MACROD2: variants seen among roughly 807,000 people sequenced by gnomAD.
The protein encoded by MACROD2 is mono-ADP ribosylhydrolase 2.
Under a neutral mutation model 70.4 loss-of-function variants are expected in MACROD2, and 36 were observed. That is an observed-to-expected ratio of 0.51 (90% CI 0.39 to 0.68). The LOEUF (loss-of-function observed/expected upper bound fraction) is 0.68, where lower values mean the gene tolerates loss of function less well. Among genes scored for constraint, MACROD2 ranks in the 30% least tolerant of loss-of-function variants. MACROD2 has a pLI of 0.00. For missense variants in MACROD2, 496 were observed against 538.4 expected (o/e 0.92, Z 0.78); for synonymous variants, 172 against 178.8 (o/e 0.96, Z 0.30).
chr20:14,158,982 ATCCCAGCACTTTG>A (rs1220364006), intron 3 of MACROD2, among the ~76,000 whole-genome samples: 1 of 152,180 alleles, frequency 6.6e-6, no homozygotes, highest in Non-Finnish European at 1.5e-5. Context: ...CACGCCTGTA[ATCCCAGCACTTTG>A]GGAAGCTGAG....
chr20:14,002,115 A>G (rs2052739960), intron 1 of MACROD2, among the ~76,000 whole-genome samples, 173 bp from the exon 2 acceptor site: 1 of 152,194 alleles, frequency 6.6e-6, no homozygotes, highest in Admixed American at 6.5e-5. Context: ...CCCTGGTAAT[A>G]TGAAATTTAA....
intron 3 of MACROD2, among the ~76,000 whole-genome samples, chr20:14,365,011 T>C (rs1045985657): frequency 6.6e-6 from 1 of 152,242 alleles, no homozygotes; most frequent in African/African-American, 2.4e-5. Context: ...TTTCTTCCGC[T>C]GCTGTTTCTT....
intron 5 of MACROD2, among the ~76,000 whole-genome samples, chr20:14,976,941 T>G (rs1430786874): frequency 1.3e-5 from 2 of 150,176 alleles, no homozygotes; most frequent in Non-Finnish European, 2.9e-5. Context: ...TATATAAACA[T>G]TTTCTTCAAA....
At chr20:15,113,060 C>A (rs192182290) in intron 5 of MACROD2, among the ~76,000 whole-genome samples, 1 of 151,848 alleles carries the variant, frequency 6.6e-6, no homozygotes, top group East Asian at 1.9e-4. Flanking sequence ...CTGGCTATTG[C>A]CAGTGTTTCT....
At chr20:15,598,679 G>A (rs568688975) in intron 8 of MACROD2, among the ~76,000 whole-genome samples, 1 of 152,318 alleles carries the variant, frequency 6.6e-6, no homozygotes, top group African/African-American at 2.4e-5. Flanking sequence ...CTCAAAGTGG[G>A]TGCCCTTCCT....
At chr20:15,449,161 C>G (rs2046607355) in intron 7 of MACROD2, among the ~76,000 whole-genome samples, 1 of 152,120 alleles carries the variant, frequency 6.6e-6, no homozygotes, top group Non-Finnish European at 1.5e-5. Context: ...TAATATGGCA[C>G]CTGTTCCATG....
At chr20:14,807,768 A>G (rs2072657284) in intron 5 of MACROD2, among the ~76,000 whole-genome samples, 1 of 152,128 alleles carries the variant, frequency 6.6e-6, no homozygotes, top group African/African-American at 2.4e-5. Context: ...GGAGATGAAA[A>G]ACACAGCACA....
intron 3 of MACROD2, among the ~76,000 whole-genome samples, chr20:14,414,585 C>T (rs1396304264): frequency 2.0e-5 from 3 of 152,114 alleles, no homozygotes; most frequent in Admixed American, 2.0e-4. Context: ...AAGTAAAACA[C>T]CTAATAGGTT....
At chr20:15,658,683 T>TA (rs1292685481) in intron 8 of MACROD2, among the ~76,000 whole-genome samples, 1 of 152,212 alleles carries the variant, frequency 6.6e-6, no homozygotes, top group Non-Finnish European at 1.5e-5. Flanking sequence ...CGGGCTTATT[T>TA]ACATGATCTG....
intron 6 of MACROD2, among the ~76,000 whole-genome samples, chr20:15,330,820 G>C (rs906880994): frequency 6.6e-6 from 1 of 151,448 alleles, no homozygotes; most frequent in Non-Finnish European, 1.5e-5. Context: ...AGCTCAGAAG[G>C]CATCTCAAGT....
intron 5 of MACROD2, among the ~76,000 whole-genome samples, chr20:14,785,101 C>T (rs978584721): frequency 2.0e-4 from 31 of 152,106 alleles, no homozygotes; most frequent in African/African-American, 7.5e-4. Context: ...TGGCAGCATG[C>T]TAAAAGAAAC....
intron 8 of MACROD2, among the ~76,000 whole-genome samples, chr20:15,599,883 GC>G (rs1467082088): frequency 2.0e-5 from 3 of 152,160 alleles, no homozygotes; most frequent in Non-Finnish European, 4.4e-5. Flanking sequence ...TCCATGGAAT[GC>G]TTTTCCAGAA....
chr20:15,461,006 A>ATATATATATATATATATATATTT, intron 7 of MACROD2, among the ~76,000 whole-genome samples: 3 of 67,000 alleles, frequency 4.5e-5, no homozygotes, highest in Non-Finnish European at 9.9e-5. Context: ...ATATATATAT[A>ATATATATATATATATATATATTT]TTTTTTTTTA....
chr20:15,244,804 C>T (rs1439559227), intron 6 of MACROD2, among the ~76,000 whole-genome samples: 1 of 152,162 alleles, frequency 6.6e-6, no homozygotes, highest in Non-Finnish European at 1.5e-5. Flanking sequence ...AGTAAAGGCA[C>T]ACTCTGCAAA....
intron 5 of MACROD2, among the ~76,000 whole-genome samples, chr20:14,906,349 C>T (rs2122571852): frequency 6.6e-6 from 1 of 152,234 alleles, no homozygotes; most frequent in Admixed American, 6.5e-5. Flanking sequence ...CAAAAATTAG[C>T]TGGGCGTAGT....
intron 5 of MACROD2, among the ~76,000 whole-genome samples, chr20:15,088,350 C>T (rs1361174193): frequency 7.0e-6 from 1 of 142,152 alleles, no homozygotes; most frequent in Non-Finnish European, 1.5e-5. Flanking sequence ...AATAGATCAG[C>T]ATCTGCTGAC....
intron 8 of MACROD2, among the ~76,000 whole-genome samples, chr20:15,793,011 A>G (rs1568564142): frequency 6.6e-6 from 1 of 152,184 alleles, no homozygotes; most frequent in African/African-American, 2.4e-5. Context: ...TAAAACATGA[A>G]GCGTATCTCT....
chr20:14,976,291 C>T (rs1469021032), intron 5 of MACROD2, among the ~76,000 whole-genome samples: 1 of 152,164 alleles, frequency 6.6e-6, no homozygotes, highest in East Asian at 1.9e-4. Flanking sequence ...GTGCTGGTTT[C>T]TTCTGAAGTC....
At chr20:14,564,380 C>T (rs1165983192) in intron 4 of MACROD2, among the ~76,000 whole-genome samples, 1 of 151,740 alleles carries the variant, frequency 6.6e-6, no homozygotes. Context: ...TTCTGCACAG[C>T]TAAAGAAATA....
Sources: allele counts gnomAD v4.1 joint callset (sites outside exome capture counted in the v4.1 genomes callset), GRCh38; gene constraint gnomAD v4.1.1; transcripts MANE v1.5; gene names NCBI Gene and HGNC (gene_info 2026-07-23, HGNC 2026-07-21).